COL4A2: variants seen among roughly 807,000 people sequenced by gnomAD.
The protein encoded by COL4A2 is collagen alpha-2(IV) chain.
A neutral mutation model predicts 200.2 loss-of-function variants in COL4A2; 99 were observed. That is an observed-to-expected ratio of 0.49 (90% CI 0.42 to 0.58). COL4A2 has a LOEUF of 0.58. Among genes scored for constraint, COL4A2 ranks in the 20% least tolerant of loss-of-function variants. The pLI is 0.00. For synonymous variants in COL4A2, 897 were observed against 900.6 expected (o/e 1.00, Z 0.07); for missense variants, 1,950 against 2,314.1 (o/e 0.84, Z 3.23).
chr13:110,409,159 GCACATATA>G (rs1879729645), intron 4 of COL4A2, among the ~76,000 whole-genome samples: 1 of 150,994 alleles, frequency 6.6e-6, no homozygotes, highest in Non-Finnish European at 1.5e-5. Context: ...GTACACACAT[GCACATATA>G]CACATGTACA....
intron 8 of COL4A2, 105 bp downstream of exon 8, chr13:110,430,061 GA>G: frequency 8.5e-7 from 1 of 1,170,692 alleles, no homozygotes. Context: ...TGAATGTACT[GA>G]AGGCATGCCT....
chr13:110,311,770 G>A (rs768915050), intron 3 of COL4A2, among the ~76,000 whole-genome samples: 7 of 152,308 alleles, frequency 4.6e-5, no homozygotes, highest in East Asian at 1.9e-4. Context: ...ATATGCAGCC[G>A]GCTGGGTGGT....
At chr13:110,389,279 A>G (rs1878893414) in intron 4 of COL4A2, among the ~76,000 whole-genome samples, 1 of 152,104 alleles carries the variant, frequency 6.6e-6, no homozygotes, top group African/African-American at 2.4e-5. Context: ...CATGTGGAGG[A>G]CATTTCGTGT....
intron 11 of COL4A2, 36 bp downstream of exon 11, chr13:110,432,396 G>T (rs1380624872): frequency 1.3e-6 from 2 of 1,577,084 alleles, no homozygotes; most frequent in Non-Finnish European, 1.7e-6. Flanking sequence ...TGAGGGAAGG[G>T]GGTACTTAGG....
At chr13:110,330,222 T>C (rs985710105) in intron 3 of COL4A2, among the ~76,000 whole-genome samples, 1 of 152,190 alleles carries the variant, frequency 6.6e-6, no homozygotes, top group Admixed American at 6.5e-5. Flanking sequence ...TCAAGCAAGC[T>C]AAATAAAGGA....
chr13:110,458,747 G>GGCCCTCCTC, intron 21 of COL4A2, 24 bp from the exon 22 acceptor site: 1 of 1,613,600 alleles, frequency 6.2e-7, no homozygotes, highest in Admixed American at 1.7e-5. Flanking sequence ...GGAACAAGGA[G>GGCCCTCCTC]GCCCTCCTCT....
intron 29 of COL4A2, chr13:110,473,393 A>G (rs1882558728): frequency 4.1e-6 from 2 of 481,982 alleles, no homozygotes; most frequent in Admixed American, 3.9e-5. Context: ...GGATTCACTG[A>G]TGTAATCTGT....
At chr13:110,388,543 T>C (rs769755476) in intron 4 of COL4A2, among the ~76,000 whole-genome samples, 20 of 152,292 alleles carry the variant, frequency 1.3e-4, no homozygotes, top group Non-Finnish European at 2.1e-4. Flanking sequence ...AAGGAATGTG[T>C]TTATGAGAGA....
In COL4A2 at chr13:110,508,071, C is replaced by A; in HGVS notation, c.4731C>A (p.Pro1577=). 1 of 1,614,250 alleles carries A rather than the reference C, an allele frequency of 6.2e-7. No homozygotes were observed. The highest frequency in any genetic ancestry group is 1.1e-5 in the South Asian group (1 of 91,092). The change falls in exon 47 of 48, where the codon CCC becomes CCA. Residue 1577 remains proline (P), a synonymous_variant. Transcript: ENST00000360467. The surrounding 1 kb of genome is among the most constrained non-coding windows in gnomAD (Gnocchi z 6.1). ...LSTTAPLPMM[P]VAEDEIKPYI... ...CCACTGCGCCGCTGCCCATGATGCC[C>A]GTGGCCGAGGACGAGATCAAGCCCT...
chr13:110,474,378 G>A (rs1189772456), intron 29 of COL4A2, among the ~76,000 whole-genome samples: 2 of 152,174 alleles, frequency 1.3e-5, no homozygotes, highest in South Asian at 4.1e-4. Flanking sequence ...ATTGGTTTTC[G>A]GATGAGCCTG....
intron 12 of COL4A2, among the ~76,000 whole-genome samples, chr13:110,434,812 T>C (rs1234822777): frequency 6.6e-6 from 1 of 152,172 alleles, no homozygotes; most frequent in African/African-American, 2.4e-5. Flanking sequence ...CATGGAGCCA[T>C]CTCAGGGACC....
intron 3 of COL4A2, among the ~76,000 whole-genome samples, chr13:110,311,962 G>A (rs538732321): frequency 1.6e-4 from 24 of 152,336 alleles, no homozygotes; most frequent in East Asian, 5.8e-4. Flanking sequence ...CCTCCAGGCC[G>A]GCAGCTGCGG....
At position 110,458,783 on chromosome 13, in the gene COL4A2, A is replaced by C. The variant is rs1450355830; in HGVS notation, c.1445A>C (p.Glu482Ala). Reference sequence around the variant, plus strand: ...CCCTCCTCTGCAGGTGACGCTGGGGAATGCAGATGTACAGAAGGCGACGAA... The same window carrying C: ...CCCTCCTCTGCAGGTGACGCTGGGGCATGCAGATGTACAGAAGGCGACGAA... ...GPKGWKGDAG[E>A]CRCTEGDEAI... is the part of the protein sequence containing the mutation. The change falls in exon 22 of 48, where the codon GAA becomes GCA. Residue 482 changes from glutamate to alanine, a missense_variant. Physicochemically the swap from Glu to Ala is moderately radical, Grantham distance 107. This residue lies in a region of COL4A2 where 1,385 missense variants were observed against 1,720.5 expected (regional missense o/e 0.80). Coordinates refer to ENST00000360467, the MANE Select transcript of COL4A2 (RefSeq NM_001846.4). 1 of 1,614,032 alleles carries C rather than the reference A, an allele frequency of 6.2e-7. No homozygotes were observed. The highest frequency in any genetic ancestry group is 1.1e-5 in the South Asian group (1 of 91,072).
At position 110,334,939 on chromosome 13, in the gene COL4A2, C is replaced by CCCGT. The variant is rs1480376432; in HGVS notation, c.100-22531_100-22528dup. On this transcript the variant is annotated intron_variant, in intron 3 of 47. Transcript: ENST00000360467. The stretch of plus-strand genomic sequence containing the variant: ...ATTCAGCACAGTCAGATCCACGCAG[C>CCCGT]CCGTCTTCAGTCCAGGGAGGAGGAA... Among the ~76,000 whole-genome samples, 6 of 152,298 alleles carry CCCGT rather than the reference C, an allele frequency of 3.9e-5. No homozygotes were observed. In the East Asian group the frequency reaches 9.6e-4, roughly 24 times the overall value.
At chr13:110,388,816 C>T (rs1425906677) in intron 4 of COL4A2, among the ~76,000 whole-genome samples, 2 of 152,168 alleles carry the variant, frequency 1.3e-5, no homozygotes, top group African/African-American at 2.4e-5. Context: ...CCACTGCTTC[C>T]GGGACCTCCC....
At position 110,438,653 on chromosome 13, in the gene COL4A2, C is replaced by T. The variant is rs758363261; in HGVS notation, c.897C>T (p.Gly299=). 6.8e-6 allele frequency: 11 copies of T among 1,614,108 alleles called. No homozygotes were observed. The highest frequency in any genetic ancestry group is 9.3e-6 in the Non-Finnish European group (11 of 1,180,038). The change falls in exon 15 of 48, where the codon GGC becomes GGT. Residue 299 remains glycine (G), a synonymous_variant. Coordinates refer to ENST00000360467, the MANE Select transcript of COL4A2 (RefSeq NM_001846.4). ...ISLKGEEGIM[G]FPGLRGYPGL... The stretch of plus-strand genomic sequence containing the variant: ...TGAAGGGAGAAGAAGGAATCATGGG[C>T]TTTCCTGGACTGAGGGTAAACCACG...
In COL4A2 at chr13:110,512,620, G is replaced by C; in HGVS notation, c.*429G>C. Reference sequence around the variant, plus strand: ...GAGGGGCTCAGGGCCTCAGGCACCCGTCCCCACACGAGGGCCCCGTGGGTG... The same window carrying C: ...GAGGGGCTCAGGGCCTCAGGCACCCCTCCCCACACGAGGGCCCCGTGGGTG... On this transcript the variant is annotated 3_prime_UTR_variant, in exon 48 of 48. Coordinates refer to ENST00000360467, the MANE Select transcript of COL4A2 (RefSeq NM_001846.4). 1 of 178,098 alleles carries C rather than the reference G, an allele frequency of 5.6e-6. No homozygotes were observed. Among genetic ancestry groups the C allele is most frequent in the Non-Finnish European group, 1.2e-5 (1 of 85,628 alleles). 11.0% of individuals were successfully genotyped at this position (178,098 alleles called of 1,614,324 possible).
intron 27 of COL4A2, among the ~76,000 whole-genome samples, chr13:110,468,600 C>T (rs1401648734): frequency 1.3e-5 from 2 of 152,218 alleles, no homozygotes; most frequent in African/African-American, 4.8e-5. Context: ...ATCCGCTCCT[C>T]CCTCTCACTC....
chr13:110,375,066 T>A (rs559358487), intron 4 of COL4A2, among the ~76,000 whole-genome samples: 7 of 152,320 alleles, frequency 4.6e-5, no homozygotes, highest in African/African-American at 1.7e-4. Flanking sequence ...TAGAAGACAT[T>A]CCTCACTATA....
Sources: allele counts gnomAD v4.1 joint callset (sites outside exome capture counted in the v4.1 genomes callset), GRCh38; gene constraint gnomAD v4.1.1; regional missense constraint gnomAD v4.1.1; non-coding constraint Gnocchi (gnomAD v3.1); transcripts MANE v1.5; gene names NCBI Gene and HGNC (gene_info 2026-07-23, HGNC 2026-07-21).